Variants in FGD4 observed in about 807,000 individuals in gnomAD.
The protein encoded by FGD4 is FYVE, RhoGEF and PH domain containing 4, also known as FYVE, RhoGEF and PH domain-containing protein 4.
Under a neutral mutation model 102.0 loss-of-function variants are expected in FGD4, and 42 were observed. The observed-to-expected ratio is 0.41, with a 90% CI of 0.32 to 0.53. The LOEUF (loss-of-function observed/expected upper bound fraction) is 0.53. Among genes scored for constraint, FGD4 ranks in the 20% least tolerant of loss-of-function variants. FGD4 has a pLI of 0.21. For synonymous variants in FGD4, 380 were observed against 375.7 expected, an observed-to-expected ratio of 1.01 and a Z score of -0.13; for missense variants, 902 against 1,078.2, an observed-to-expected ratio of 0.84 and a Z score of 2.29.
chr12:32,494,608 CTGAT>C (rs1937677981), intron 1 of FGD4, among the ~76,000 whole-genome samples: 1 of 152,060 alleles, frequency 6.6e-6, no homozygotes, highest in Admixed American at 6.5e-5. Flanking sequence ...TTGATCTTAC[CTGAT>C]TGATTGGATG....
intron 2 of FGD4, among the ~76,000 whole-genome samples, chr12:32,571,300 C>T (rs974428909): frequency 6.6e-6 from 1 of 151,944 alleles, no homozygotes; most frequent in African/African-American, 2.4e-5. Flanking sequence ...ACTAAAAGTA[C>T]AAAACTTAAC....
At chr12:32,412,872 G>A (rs932873687) in intron 1 of FGD4, among the ~76,000 whole-genome samples, 11 of 146,710 alleles carry the variant, frequency 7.5e-5, no homozygotes, top group Non-Finnish European at 1.2e-4. Flanking sequence ...GAGCCACCGC[G>A]CCTGTCCAGA....
intron 1 of FGD4, among the ~76,000 whole-genome samples, chr12:32,512,515 G>A (rs7305247): frequency 0.096 from 14,551 of 151,826 alleles, 1,229 homozygotes; most frequent in African/African-American, 0.22. Flanking sequence ...TCAGTTTCTG[G>A]TGCTACATCA....
chr12:32,599,411 G>A (rs1160669714), intron 5 of FGD4, among the ~76,000 whole-genome samples: 2 of 133,450 alleles, frequency 1.5e-5, no homozygotes, highest in South Asian at 5.1e-4. Context: ...GGAGAATGGC[G>A]TGAACCCGGG....
chr12:32,454,278 G>T (rs1308643926), intron 1 of FGD4, among the ~76,000 whole-genome samples: 1 of 152,118 alleles, frequency 6.6e-6, no homozygotes, highest in Non-Finnish European at 1.5e-5. Flanking sequence ...GCATGCAAGG[G>T]TTTTTACTCT....
At chr12:32,446,092 G>A (rs963871572) in intron 1 of FGD4, among the ~76,000 whole-genome samples, 3 of 152,192 alleles carry the variant, frequency 2.0e-5, no homozygotes, top group Non-Finnish European at 4.4e-5. Flanking sequence ...GGTCAGGGCT[G>A]TAGTGAGCCA....
chr12:32,473,883 CG>C (rs1943509285), intron 1 of FGD4, among the ~76,000 whole-genome samples: 2 of 151,934 alleles, frequency 1.3e-5, no homozygotes, highest in Middle Eastern at 3.4e-3. Context: ...GTCAGGAGAT[CG>C]AGACCATCAT....
chr12:32,633,450 A>C, intron 14 of FGD4, 99 bp from the exon 15 acceptor site: 1 of 1,323,348 alleles, frequency 7.6e-7, no homozygotes, highest in Non-Finnish European at 1.1e-6. Context: ...TCTGCCTTCT[A>C]TGCTTAACAT....
intron 1 of FGD4, among the ~76,000 whole-genome samples, chr12:32,440,768 C>T (rs951224427): frequency 6.6e-5 from 10 of 152,172 alleles, no homozygotes; most frequent in African/African-American, 2.4e-4. Flanking sequence ...CGGCAAGGTC[C>T]CCCACAGCCA....
chr12:32,620,052 T>G (rs1826101197), intron 11 of FGD4, among the ~76,000 whole-genome samples, 182 bp downstream of exon 11: 1 of 152,192 alleles, frequency 6.6e-6, no homozygotes, highest in Non-Finnish European at 1.5e-5. Flanking sequence ...CTCTCTTGAT[T>G]CCTCCATAGT....
intron 1 of FGD4, among the ~76,000 whole-genome samples, chr12:32,420,771 T>C (rs1020575007): frequency 2.0e-5 from 3 of 152,164 alleles, no homozygotes; most frequent in African/African-American, 7.2e-5. Context: ...CCTAATTCTG[T>C]AGTCATCCAT....
intron 1 of FGD4, among the ~76,000 whole-genome samples, chr12:32,480,633 T>C (rs1013048069): frequency 1.3e-5 from 2 of 151,626 alleles, no homozygotes; most frequent in African/African-American, 4.9e-5. Flanking sequence ...TCCGAGTAGC[T>C]GGGATTACAG....
intron 1 of FGD4, among the ~76,000 whole-genome samples, chr12:32,533,202 AT>A (rs1467492705): frequency 6.6e-6 from 1 of 152,168 alleles, no homozygotes; most frequent in Non-Finnish European, 1.5e-5. Context: ...AATGCAAATT[AT>A]GTGGCCCCAC....
intron 15 of FGD4, among the ~76,000 whole-genome samples, chr12:32,637,048 C>CTTT (rs920177828): frequency 0.02 from 1,694 of 86,274 alleles, 21 homozygotes; most frequent in Non-Finnish European, 0.028. Context: ...TTTTTTTCTT[C>CTTT]TTTTTTTTTT....
intron 7 of FGD4, 63 bp from the exon 8 acceptor site, chr12:32,607,887 TTTTACAG>T (rs1948886962): frequency 6.3e-7 from 1 of 1,580,862 alleles, no homozygotes; most frequent in South Asian, 1.1e-5. Context: ...GAAAGTTCTG[TTTTACAG>T]TGAGTTTTTA....
intron 7 of FGD4, among the ~76,000 whole-genome samples, chr12:32,607,255 T>C (rs1011647033): frequency 6.6e-6 from 1 of 152,158 alleles, no homozygotes; most frequent in Admixed American, 6.6e-5. Context: ...TTCAGTGTTA[T>C]AGAAATATCA....
intron 1 of FGD4, among the ~76,000 whole-genome samples, chr12:32,464,810 C>T (rs117365351): frequency 0.038 from 5,776 of 152,252 alleles, 165 homozygotes; most frequent in South Asian, 0.12. Context: ...TCCTGTGCTT[C>T]TAAGAACTAT....
At chr12:32,582,836 A>G in intron 4 of FGD4, 1 of 220,682 alleles carries the variant, frequency 4.5e-6, no homozygotes, top group African/African-American at 2.3e-5. Flanking sequence ...AAATTGTATA[A>G]TCTTTGTTGT....
At chr12:32,442,454 T>G (rs776089644) in intron 1 of FGD4, among the ~76,000 whole-genome samples, 6 of 152,032 alleles carry the variant, frequency 3.9e-5, no homozygotes, top group Non-Finnish European at 8.8e-5. Flanking sequence ...TATGAAGGTG[T>G]TTTTTTCTGT....
Sources: allele counts gnomAD v4.1 joint callset (sites outside exome capture counted in the v4.1 genomes callset), GRCh38; gene constraint gnomAD v4.1.1; transcripts MANE v1.5; gene names NCBI Gene and HGNC (gene_info 2026-07-23, HGNC 2026-07-21).